Variants in MAP2K1 observed in about 807,000 individuals in gnomAD.
MAP2K1 encodes mitogen-activated protein kinase kinase 1, also known as dual specificity mitogen-activated protein kinase kinase 1.
A neutral mutation model predicts 46.3 loss-of-function variants in MAP2K1; 16 were observed. That is an observed-to-expected ratio of 0.35 (90% confidence interval 0.23 to 0.52). The LOEUF is 0.52. Ranked by LOEUF, MAP2K1 falls within the 20% of genes least tolerant of loss-of-function variation. The pLI is 0.94. For missense variants in MAP2K1, 263 were observed against 497.1 expected, an observed-to-expected ratio of 0.53 and a Z score of 4.48; for synonymous variants, 183 against 185.6, an observed-to-expected ratio of 0.99 and a Z score of 0.11.
rs150390840 is a variant in MAP2K1 at position 66,396,967 on chromosome 15, G to A, written c.80+9540G>A. 9.6e-3 allele frequency among the ~76,000 whole-genome samples: 1,367 copies of A among 142,926 alleles called. 49 individuals carry two copies. The highest frequency in any genetic ancestry group is 0.061 in the Admixed American group (858 of 14,006). 93.8% of individuals were successfully genotyped at this position (142,926 alleles called of 152,430 possible). Reference sequence around the variant, plus strand: ...CCCAAAGTGCTGGGATTACAGGCATGAGCTACCATGCCTGGCCTGTAACGC... The same window carrying A: ...CCCAAAGTGCTGGGATTACAGGCATAAGCTACCATGCCTGGCCTGTAACGC... On this transcript the variant is annotated intron_variant, in intron 1 of 10. Coordinates refer to ENST00000307102, the MANE Select transcript of MAP2K1 (RefSeq NM_002755.4).
intron 3 of MAP2K1, among the ~76,000 whole-genome samples, chr15:66,437,943 G>T (rs1254936737): frequency 2.0e-5 from 3 of 151,940 alleles, no homozygotes; most frequent in African/African-American, 7.2e-5. Flanking sequence ...GCTTGGCCTG[G>T]GGTGCTGATT....
chr15:66,392,254 G>GT lies in MAP2K1; in HGVS notation c.80+4827_80+4828insT, dbSNP rs374203054. Among the ~76,000 whole-genome samples, 679 of 79,616 alleles carry GT rather than the reference G, an allele frequency of 8.5e-3. 26 individuals carry two copies. The highest frequency in any genetic ancestry group is 0.027 in the African/African-American group (586 of 21,416). 52.2% of individuals were successfully genotyped at this position (79,616 alleles called of 152,430 possible). A position where few individuals can be genotyped will look rare whatever the true frequency, so the allele number is the denominator to read the frequency against. On this transcript the variant is annotated intron_variant, in intron 1 of 10. Transcript: ENST00000307102. Reference sequence around the variant, plus strand: ...CACGAATATTTGTGTGTTTTTTTTGGGTTTTTTTTTTTTTTTTTTTTTTTT... The same window carrying GT: ...CACGAATATTTGTGTGTTTTTTTTGGTGTTTTTTTTTTTTTTTTTTTTTTTT...
chr15:66,447,283 G>C (rs544135999), intron 5 of MAP2K1, among the ~76,000 whole-genome samples: 1 of 151,496 alleles, frequency 6.6e-6, no homozygotes, highest in South Asian at 2.1e-4. Flanking sequence ...TCCAGATACT[G>C]ATCTTTCAGG....
At chr15:66,427,109 A>G (rs1442856079) in intron 1 of MAP2K1, among the ~76,000 whole-genome samples, 2 of 152,266 alleles carry the variant, frequency 1.3e-5, no homozygotes, top group Non-Finnish European at 2.9e-5. Flanking sequence ...AAAGGAGTAT[A>G]TACAGCTAAG....
At chr15:66,461,000 C>A (rs1892305578) in intron 5 of MAP2K1, among the ~76,000 whole-genome samples, 1 of 152,098 alleles carries the variant, frequency 6.6e-6, no homozygotes, top group Non-Finnish European at 1.5e-5. Context: ...GATCACAAAG[C>A]CTCATTTCTA....
At position 66,397,291 on chromosome 15, in the gene MAP2K1, C is replaced by T. The variant is rs112137246; in HGVS notation, c.80+9864C>T. ...GTGCTGGGATTACAGGCGTGAGCCA[C>T]GGCGCCCGGCCTGTAACACTTCTTA... On this transcript the variant is annotated intron_variant, in intron 1 of 10. Transcript: ENST00000307102. 9.2e-5 allele frequency among the ~76,000 whole-genome samples: 14 copies of T among 152,280 alleles called. 2 individuals are homozygous for T. The highest frequency in any genetic ancestry group is 2.6e-4 in the African/African-American group (11 of 41,550).
At chr15:66,434,099 C>T (rs1316001450) in intron 1 of MAP2K1, among the ~76,000 whole-genome samples, 1 of 152,172 alleles carries the variant, frequency 6.6e-6, no homozygotes, top group Non-Finnish European at 1.5e-5. Flanking sequence ...ATTTAGGTAT[C>T]AGATAAACTG....
chr15:66,400,823 G>A (rs576317296), intron 1 of MAP2K1, among the ~76,000 whole-genome samples: 4 of 152,194 alleles, frequency 2.6e-5, no homozygotes, highest in Non-Finnish European at 5.9e-5. Context: ...CTGATGTCAG[G>A]AAGGGAGTCA....
Position 66,387,493 on chromosome 15 carries a change from C to G in MAP2K1, c.80+66C>G, listed in dbSNP as rs2093344637. 4.1e-6 allele frequency: 6 copies of G among 1,470,812 alleles called. No homozygotes were observed. The Admixed American group carries it at 6.0e-5, about 15-fold the overall frequency. 91.1% of individuals were successfully genotyped at this position (1,470,812 alleles called of 1,614,324 possible). On this transcript the variant is annotated intron_variant, in intron 1 of 10. Transcript: ENST00000307102. Reference sequence around the variant, plus strand: ...GGAGGCCCGAGCCGGGGAGCAGGAGCGCGCGCCAGGCTCCGATCTGGTTTG... The same window carrying G: ...GGAGGCCCGAGCCGGGGAGCAGGAGGGCGCGCCAGGCTCCGATCTGGTTTG...
At chr15:66,485,484 C>T (rs991111121) in intron 7 of MAP2K1, among the ~76,000 whole-genome samples, 4 of 152,146 alleles carry the variant, frequency 2.6e-5, no homozygotes, top group South Asian at 4.1e-4. Flanking sequence ...CTTGCTATGT[C>T]GCCCAGTGCA....
intron 1 of MAP2K1, among the ~76,000 whole-genome samples, chr15:66,387,736 C>T (rs2093345623): frequency 6.6e-6 from 1 of 152,248 alleles, no homozygotes; most frequent in Non-Finnish European, 1.5e-5. Flanking sequence ...TGCCTCCTCC[C>T]AGTTCTGTTC....
chr15:66,420,962 TATACACACACATAC>T (rs1372855144), intron 1 of MAP2K1, among the ~76,000 whole-genome samples: 820 of 26,258 alleles, frequency 0.031, 20 homozygotes, highest in Non-Finnish European at 0.084. Context: ...CACATACATA[TATACACACACATAC>T]ATACACACAC....
intron 1 of MAP2K1, among the ~76,000 whole-genome samples, chr15:66,431,422 A>C (rs2093474801): frequency 6.6e-6 from 1 of 152,180 alleles, no homozygotes; most frequent in South Asian, 2.1e-4. Flanking sequence ...TTTCACCTTC[A>C]GATAAAATGT....
chr15:66,490,452 GTT>G (rs756730939), intron 10 of MAP2K1, 48 bp from the exon 11 acceptor site: 1 of 1,384,602 alleles, frequency 7.2e-7, no homozygotes, highest in Admixed American at 1.7e-5. Flanking sequence ...GGTGGGTTTT[GTT>G]TTTTTGTTTC....
At chr15:66,420,789 G>GTGTATATATA in intron 1 of MAP2K1, among the ~76,000 whole-genome samples, 1 of 17,908 alleles carries the variant, frequency 5.6e-5, no homozygotes, top group African/African-American at 1.2e-4. Context: ...GTATATATAT[G>GTGTATATATA]TGTGTATATA....
At chr15:66,415,274 TGGCGTAAACTATCAG>T in intron 1 of MAP2K1, 1 of 361,566 alleles carries the variant, frequency 2.8e-6, no homozygotes, top group South Asian at 2.1e-5. Context: ...ATCACCTTAT[TGGCGTAAACTATCAG>T]GGCCCACTGT....
At chr15:66,458,177 T>C (rs1316106944) in intron 5 of MAP2K1, among the ~76,000 whole-genome samples, 1 of 151,994 alleles carries the variant, frequency 6.6e-6, no homozygotes, top group East Asian at 1.9e-4. Context: ...TTAAAAAGGG[T>C]TGGAGGTGAA....
chr15:66,445,407 A>G (rs996496306), intron 5 of MAP2K1, among the ~76,000 whole-genome samples: 1 of 152,144 alleles, frequency 6.6e-6, no homozygotes, highest in Non-Finnish European at 1.5e-5. Flanking sequence ...AACAACAACA[A>G]GAAGAACAAA....
chr15:66,479,072 G>T (rs1214720608), intron 5 of MAP2K1, among the ~76,000 whole-genome samples: 1 of 151,988 alleles, frequency 6.6e-6, no homozygotes, highest in Non-Finnish European at 1.5e-5. Context: ...TGAACAAGTT[G>T]CTGGATCTCT....
Sources: gnomAD v4.1 joint callset for allele counts (sites outside exome capture counted in the v4.1 genomes callset) on GRCh38, gnomAD v4.1.1 for gene constraint, MANE v1.5 for transcripts, NCBI Gene and HGNC (gene_info 2026-07-23, HGNC 2026-07-21) for gene names.